The following RMP64 variants were observed in gnomAD, a reference collection of about 807,000 sequenced individuals.
The protein encoded by RMP64 is nucleolus and neural progenitor protein.
the RMP64 span, chr3:113,014,109 G>C: frequency 1.1e-6 from 1 of 877,200 alleles, no homozygotes; most frequent in Non-Finnish European, 1.9e-6. Context: ...GGAAAGCAAA[G>C]ACTTCTAGAT....
the RMP64 span, chr3:113,013,167 G>A: frequency 1.6e-6 from 2 of 1,231,736 alleles, no homozygotes; most frequent in African/African-American, 1.5e-5. Context: ...AATTCCTGTA[G>A]GTTGTAACTC....
chr3:113,010,106 A>G, the RMP64 span, among the ~76,000 whole-genome samples: 1 of 152,216 alleles, frequency 6.6e-6, no homozygotes, highest in Non-Finnish European at 1.5e-5. Flanking sequence ...GAGTAAAGGA[A>G]TAGCTTCATG....
chr3:113,013,445 AAAAG>A, the RMP64 span: 3 of 1,502,556 alleles, frequency 2.0e-6, no homozygotes, highest in Non-Finnish European at 2.7e-6. Context: ...CACTTAAAAA[AAAAG>A]GGTTTTTTTT....
At chr3:113,013,463 T>G in the RMP64 span, 7,400 of 45,398 alleles carry the variant, frequency 0.16, no homozygotes, top group East Asian at 0.4. Flanking sequence ...TTTTTTTTTG[T>G]TTTTTTTTTT....
chr3:113,008,604 A>G, the RMP64 span: 1 of 559,284 alleles, frequency 1.8e-6, no homozygotes, highest in Non-Finnish European at 3.2e-6. Context: ...CTATATGCTT[A>G]TAACAAAATA....
chr3:113,005,005 G>C, the RMP64 span: 1 of 159,660 alleles, frequency 6.3e-6, no homozygotes, highest in African/African-American at 2.4e-5. Flanking sequence ...GGTAATACAA[G>C]CAGTGGCAAA....
chr3:113,006,661 A>G, the RMP64 span, among the ~76,000 whole-genome samples: 1 of 152,176 alleles, frequency 6.6e-6, no homozygotes, highest in Non-Finnish European at 1.5e-5. Flanking sequence ...ACTGTTTGTG[A>G]TAGATTTTAA....
At chr3:113,019,434 G>A in the RMP64 span, 4 of 870,530 alleles carry the variant, frequency 4.6e-6, no homozygotes, top group Non-Finnish European at 3.6e-6. Flanking sequence ...CCTTCCCAGC[G>A]TCCCCCGGGC....
At chr3:113,010,025 A>G in the RMP64 span, among the ~76,000 whole-genome samples, 1 of 152,004 alleles carries the variant, frequency 6.6e-6, no homozygotes, top group Non-Finnish European at 1.5e-5. Flanking sequence ...ATGTACTTAT[A>G]TGCTGTTAGG....
the RMP64 span, chr3:113,019,228 G>C: frequency 4.9e-6 from 2 of 410,494 alleles, no homozygotes; most frequent in Admixed American, 4.4e-5. Flanking sequence ...AGGGTTCCCA[G>C]GCAGCACTGT....
chr3:113,006,145 A>G, the RMP64 span: 1 of 639,282 alleles, frequency 1.6e-6, no homozygotes, highest in African/African-American at 1.8e-5. Flanking sequence ...AACCACATCG[A>G]AAAATTTCAC....
the RMP64 span, among the ~76,000 whole-genome samples, chr3:113,007,607 T>C: frequency 5.9e-5 from 9 of 152,176 alleles, no homozygotes; most frequent in Non-Finnish European, 1.0e-4. Context: ...GCAATACTGG[T>C]TCACAAGCAA....
the RMP64 span, chr3:113,010,565 C>A: frequency 1.7e-6 from 2 of 1,167,264 alleles, no homozygotes; most frequent in Admixed American, 1.8e-5. Context: ...TGAAAAGATT[C>A]AATCTCTGCC....
At chr3:113,018,254 A>G in the RMP64 span, among the ~76,000 whole-genome samples, 1 of 152,224 alleles carries the variant, frequency 6.6e-6, no homozygotes, top group East Asian at 1.9e-4. Context: ...AGCATTCTAA[A>G]TGGAAGTAAA....
chr3:113,013,451 GTTTTTTTTT>G, the RMP64 span: 9 of 1,260,928 alleles, frequency 7.1e-6, no homozygotes, highest in African/African-American at 1.6e-4. Flanking sequence ...AAAAAAAAGG[GTTTTTTTTT>G]TGTTTTTTTT....
chr3:113,012,234 A>C, the RMP64 span, among the ~76,000 whole-genome samples: 23 of 152,224 alleles, frequency 1.5e-4, no homozygotes, highest in Non-Finnish European at 2.6e-4. Flanking sequence ...AGTCTAGCAC[A>C]TAAGAAGGTC....
the RMP64 span, among the ~76,000 whole-genome samples, chr3:113,016,439 TAAGA>T: frequency 0.58 from 87,826 of 151,448 alleles, 29,046 homozygotes; most frequent in Non-Finnish European, 0.75. Flanking sequence ...GAGAGCTACG[TAAGA>T]GAGAGAGACT....
the RMP64 span, among the ~76,000 whole-genome samples, chr3:113,017,132 T>C: frequency 6.6e-6 from 1 of 152,228 alleles, no homozygotes; most frequent in African/African-American, 2.4e-5. Flanking sequence ...TCAAATCACT[T>C]TATCTTTGAG....
At chr3:113,009,452 T>C in the RMP64 span, 75 of 152,314 alleles carry the variant, frequency 4.9e-4, no homozygotes, top group African/African-American at 1.7e-3. Flanking sequence ...AGCAGTTAGT[T>C]TTGAGTAAGA....
Sources: allele counts gnomAD v4.1 joint callset (sites outside exome capture counted in the v4.1 genomes callset), GRCh38; gene constraint gnomAD v4.1.1; transcripts MANE v1.5; gene names NCBI Gene and HGNC (gene_info 2026-07-23, HGNC 2026-07-21).